EPHA3: variants seen among roughly 807,000 people sequenced by gnomAD.
EPHA3 encodes the protein ephrin type-A receptor 3.
EPHA3 carries 42 observed loss-of-function variants against 107.1 expected under a neutral mutation model. The observed-to-expected ratio is 0.39, with a 90% CI of 0.31 to 0.51. The LOEUF (loss-of-function observed/expected upper bound fraction) is 0.51, where lower values mean the gene tolerates loss of function less well. Among genes scored for constraint, EPHA3 ranks in the 20% least tolerant of loss-of-function variants. EPHA3 has a pLI of 0.78. For synonymous variants in EPHA3, 461 were observed against 424.8 expected (o/e 1.09, Z -1.05); for missense variants, 1,183 against 1,211.2 (o/e 0.98, Z 0.35).
intron 2 of EPHA3, among the ~76,000 whole-genome samples, chr3:89,151,544 A>C (rs1259952156): frequency 6.6e-6 from 1 of 152,056 alleles, no homozygotes; most frequent in Non-Finnish European, 1.5e-5. Flanking sequence ...GAGCAGGAAG[A>C]GGCAGCTCAC....
At chr3:89,412,093 A>G (rs1709166202) in intron 9 of EPHA3, among the ~76,000 whole-genome samples, 1 of 151,824 alleles carries the variant, frequency 6.6e-6, no homozygotes, top group Admixed American at 6.6e-5. Context: ...ATTTCCTTTA[A>G]TTTTAGATCA....
chr3:89,248,616 A>T (rs1705091810), intron 3 of EPHA3, among the ~76,000 whole-genome samples: 1 of 152,230 alleles, frequency 6.6e-6, no homozygotes, highest in African/African-American at 2.4e-5. Context: ...ATTACATCTC[A>T]GGAAGTCCAA....
chr3:89,113,567 TAAAA>T (rs200754381), intron 1 of EPHA3, among the ~76,000 whole-genome samples: 1 of 80,258 alleles, frequency 1.2e-5, no homozygotes, highest in African/African-American at 4.3e-5. Flanking sequence ...GAAAAGAAAA[TAAAA>T]AAAGTTGATT....
chr3:89,366,385 T>C (rs2107464567), intron 5 of EPHA3, among the ~76,000 whole-genome samples: 1 of 150,816 alleles, frequency 6.6e-6, no homozygotes, highest in African/African-American at 2.4e-5. Flanking sequence ...ATAATACCAT[T>C]GATCAAGATC....
At chr3:89,381,010 T>C (rs554952565) in intron 5 of EPHA3, among the ~76,000 whole-genome samples, 13 of 151,932 alleles carry the variant, frequency 8.6e-5, no homozygotes, top group African/African-American at 2.9e-4. Flanking sequence ...TCTCGCTCTC[T>C]TGCCCAGGCT....
At chr3:89,209,829 CCTCA>C (rs1706224260) in intron 2 of EPHA3, 27 bp from the exon 3 acceptor site, 1 of 1,540,936 alleles carries the variant, frequency 6.5e-7, no homozygotes, top group Admixed American at 1.9e-5. Context: ...ATTAATTCTG[CCTCA>C]CTCTCTGTTT....
At chr3:89,180,305 A>ATTTT (rs35613113) in intron 2 of EPHA3, among the ~76,000 whole-genome samples, 2 of 149,902 alleles carry the variant, frequency 1.3e-5, no homozygotes, top group African/African-American at 4.9e-5. Context: ...TCCAAATCTG[A>ATTTT]TTTTTTTTTT....
intron 3 of EPHA3, among the ~76,000 whole-genome samples, chr3:89,285,646 C>T (rs1037936700): frequency 2.6e-5 from 4 of 152,120 alleles, no homozygotes; most frequent in South Asian, 2.1e-4. Context: ...AGGCCCTGGC[C>T]GGAAGAGTTG....
At chr3:89,374,647 T>C (rs1048805253) in intron 5 of EPHA3, among the ~76,000 whole-genome samples, 1 of 151,662 alleles carries the variant, frequency 6.6e-6, no homozygotes, top group African/African-American at 2.4e-5. Context: ...TATTTCACTT[T>C]TTAGAAAAAT....
chr3:89,354,515 C>A lies in EPHA3; in HGVS notation c.1306+12425C>A, dbSNP rs969925107. 5.3e-5 allele frequency among the ~76,000 whole-genome samples: 8 copies of A among 150,776 alleles called. No individual in the cohort carries two copies. In the East Asian group the frequency reaches 9.7e-4, roughly 18 times the overall value. On this transcript the variant is annotated intron_variant, in intron 5 of 16. Transcript: ENST00000336596. ...CTTTCTTAAGTGACTTTATAGATATCTATCAGGAAATTATTGCAATAAGTA... is the reference window on the plus strand; with the variant it reads ...CTTTCTTAAGTGACTTTATAGATATATATCAGGAAATTATTGCAATAAGTA...
chr3:89,233,581 A>T (rs1273442775), intron 3 of EPHA3, among the ~76,000 whole-genome samples: 5 of 152,142 alleles, frequency 3.3e-5, no homozygotes. Flanking sequence ...CATGTACTGA[A>T]TTGCTGTTGG....
At chr3:89,150,001 A>G (rs1185137879) in intron 2 of EPHA3, among the ~76,000 whole-genome samples, 1 of 152,008 alleles carries the variant, frequency 6.6e-6, no homozygotes, top group African/African-American at 2.4e-5. Flanking sequence ...GTTCTCAGGT[A>G]CCACTAAAAT....
chr3:89,135,040 C>T (rs1189267923), intron 2 of EPHA3, among the ~76,000 whole-genome samples: 2 of 152,142 alleles, frequency 1.3e-5, no homozygotes, highest in African/African-American at 4.8e-5. Flanking sequence ...ACTGCAATTA[C>T]TTTTGCACCA....
intron 2 of EPHA3, among the ~76,000 whole-genome samples, chr3:89,184,436 A>G (rs1450880119): frequency 6.6e-6 from 1 of 152,026 alleles, no homozygotes; most frequent in East Asian, 1.9e-4. Context: ...GCATTAATCT[A>G]ATTACATTCC....
chr3:89,160,742 C>A (rs1472698047), intron 2 of EPHA3, among the ~76,000 whole-genome samples: 2 of 152,020 alleles, frequency 1.3e-5, no homozygotes, highest in Non-Finnish European at 2.9e-5. Context: ...TTGGCAACTG[C>A]TTTCCAGACT....
intron 5 of EPHA3, among the ~76,000 whole-genome samples, chr3:89,345,199 G>A (rs1282505346): frequency 6.6e-6 from 1 of 151,074 alleles, no homozygotes; most frequent in African/African-American, 2.4e-5. Context: ...CTAGAATAAG[G>A]AGCACTAATA....
intron 3 of EPHA3, among the ~76,000 whole-genome samples, chr3:89,304,552 A>T (rs1425768743): frequency 2.0e-5 from 3 of 151,984 alleles, no homozygotes; most frequent in Non-Finnish European, 4.4e-5. Context: ...GGCCAGGAAC[A>T]GTCTTTTCCA....
chr3:89,292,551 C>T (rs568210874), intron 3 of EPHA3, among the ~76,000 whole-genome samples: 3 of 151,990 alleles, frequency 2.0e-5, no homozygotes, highest in East Asian at 1.9e-4. Context: ...GAATAAAATG[C>T]CCTCCTTGAA....
At chr3:89,433,091 A>G (rs1397343331) in intron 13 of EPHA3, among the ~76,000 whole-genome samples, 1 of 152,152 alleles carries the variant, frequency 6.6e-6, no homozygotes, top group Non-Finnish European at 1.5e-5. Flanking sequence ...ATATTTCTAT[A>G]GAATTAACAT....
Sources: gnomAD v4.1 joint callset for allele counts (sites outside exome capture counted in the v4.1 genomes callset) on GRCh38, gnomAD v4.1.1 for gene constraint, MANE v1.5 for transcripts, NCBI Gene and HGNC (gene_info 2026-07-23, HGNC 2026-07-21) for gene names.